EML1: variants seen among roughly 807,000 people sequenced by gnomAD.
The protein encoded by EML1 is EMAP like 1.
In EML1, 27 loss-of-function variants were observed where a neutral mutation model predicts 110.4. The observed-to-expected ratio is 0.24, with a 90% CI of 0.18 to 0.34. The LOEUF (loss-of-function observed/expected upper bound fraction) is 0.34, where lower values mean the gene tolerates loss of function less well. EML1 is among the 10% of genes least tolerant of loss of function. EML1 has a pLI of 1.00. For synonymous variants in EML1, 344 were observed against 385.8 expected (o/e 0.89, Z 1.27); for missense variants, 741 against 1,030.9 (o/e 0.72, Z 3.85).
intron 1 of EML1, among the ~76,000 whole-genome samples, chr14:99,830,489 C>T (rs1294608770): frequency 6.6e-6 from 1 of 151,772 alleles, no homozygotes; most frequent in Non-Finnish European, 1.5e-5. Context: ...TCATCGTTTC[C>T]TCTTCCCTCC....
At chr14:99,886,425 G>C (rs2059476085) in intron 4 of EML1, among the ~76,000 whole-genome samples, 1 of 150,282 alleles carries the variant, frequency 6.7e-6, no homozygotes, top group Admixed American at 6.6e-5. Context: ...AGGTTGCCGT[G>C]AGCCGAGATC....
At chr14:99,847,571 A>AT (rs1370101558) in intron 1 of EML1, among the ~76,000 whole-genome samples, 12 of 151,998 alleles carry the variant, frequency 7.9e-5, no homozygotes, top group Admixed American at 5.9e-4. Context: ...GCTTTTATTT[A>AT]TTTTTTTATT....
chr14:99,811,811 A>G (rs1245677956), intron 1 of EML1, among the ~76,000 whole-genome samples: 1 of 125,626 alleles, frequency 8.0e-6, no homozygotes, highest in African/African-American at 2.5e-5. Context: ...ACTATGTCTC[A>G]AAAAGAGAGA....
rs576881878 is a variant in EML1 at position 99,781,143 on chromosome 14, G to A, written c.-27+7130G>A. The stretch of plus-strand genomic sequence containing the variant: ...CCTCTGGACCCCTGTTCCACTGGCC[G>A]CCTCCCTTCTCCTTGACTCGTCCCC... On this transcript the variant is annotated intron_variant, in intron 1 of 22. Transcript: ENST00000327921. This position sits in a 1 kb window ranked among gnomAD's most constrained non-coding sequence, Gnocchi z 4.2. Among the ~76,000 whole-genome samples the A allele has an allele frequency of 1.9e-4, 29 of 152,026 alleles. 1 individual carries two copies. The highest frequency in any genetic ancestry group is 1.4e-3 in the Admixed American group (22 of 15,268).
chr14:99,915,961 C>T (rs193211507), intron 15 of EML1, among the ~76,000 whole-genome samples: 5 of 152,274 alleles, frequency 3.3e-5, no homozygotes, highest in East Asian at 1.9e-4. Context: ...CCAGCTGAGC[C>T]GTGAGGTGGA....
chr14:99,775,306 C>G (rs1445851032), intron 1 of EML1, among the ~76,000 whole-genome samples: 1 of 152,142 alleles, frequency 6.6e-6, no homozygotes, highest in Middle Eastern at 3.2e-3. Flanking sequence ...CTGTCACAGA[C>G]CTGGACAGGT....
chr14:99,835,254 G>A (rs1166393279), intron 1 of EML1, among the ~76,000 whole-genome samples: 1 of 151,648 alleles, frequency 6.6e-6, no homozygotes, highest in Non-Finnish European at 1.5e-5. Context: ...GAATTTATTG[G>A]CATAAAGTTT....
At chr14:99,762,928 C>A (rs1193359191) in intron 1 of EML1, among the ~76,000 whole-genome samples, 2 of 152,154 alleles carry the variant, frequency 1.3e-5, no homozygotes, top group Non-Finnish European at 2.9e-5. Context: ...GAATAACACC[C>A]CTACGTATGT....
At chr14:99,764,862 A>G (rs1595253424) in intron 1 of EML1, among the ~76,000 whole-genome samples, 1 of 152,198 alleles carries the variant, frequency 6.6e-6, no homozygotes, top group African/African-American at 2.4e-5. Context: ...TTCCTCAGTC[A>G]GTGTTGTTTT....
At chr14:99,843,976 G>T (rs1276940367) in intron 1 of EML1, among the ~76,000 whole-genome samples, 3 of 152,110 alleles carry the variant, frequency 2.0e-5, no homozygotes, top group African/African-American at 7.2e-5. Context: ...ATGACATTTT[G>T]AAGTGAGATT....
intron 1 of EML1, among the ~76,000 whole-genome samples, chr14:99,783,705 G>A (rs1428737090): frequency 2.0e-5 from 3 of 152,096 alleles, no homozygotes; most frequent in Admixed American, 6.5e-5. Context: ...GGATGGTCTC[G>A]ATCTCCTGAC....
chr14:99,747,154 C>T (rs756212424), intron 1 of EML1, among the ~76,000 whole-genome samples: 35 of 141,648 alleles, frequency 2.5e-4, no homozygotes, highest in Non-Finnish European at 4.8e-4. Context: ...CGCCACTGCA[C>T]TCCAGCCTTG....
intron 17 of EML1, among the ~76,000 whole-genome samples, chr14:99,921,256 TC>T (rs141681912): frequency 0.03 from 4,569 of 152,312 alleles, 224 homozygotes; most frequent in African/African-American, 0.1. Context: ...ATGGTCTTGT[TC>T]CTTTTTATGG....
chr14:99,910,134 G>A (rs899394819), intron 11 of EML1, 108 bp from the exon 12 acceptor site: 1 of 759,262 alleles, frequency 1.3e-6, no homozygotes, highest in South Asian at 2.1e-5. Context: ...TATCCAGCTT[G>A]GGACCACTGC....
chr14:99,828,963 A>G (rs545302890), intron 1 of EML1, among the ~76,000 whole-genome samples: 2 of 152,198 alleles, frequency 1.3e-5, no homozygotes, highest in South Asian at 4.2e-4. Context: ...CTGTCTCAGG[A>G]GTGACAAGCA....
rs961298145 is a variant in EML1 at position 99,864,718 on chromosome 14, A to T, written c.251-796A>T. Among the ~76,000 whole-genome samples the T allele has an allele frequency of 8.0e-5, 12 of 150,828 alleles. No individual in the cohort carries two copies. In the East Asian group the frequency reaches 2.0e-3, roughly 25 times the overall value. On this transcript the variant is annotated intron_variant, in intron 2 of 21. Transcript: ENST00000262233. ...TCCCAGCTACTCAGGAGGCTGAGGT[A>T]GGAGAATCGCTTGAACCCAGGAGAC...
At chr14:99,766,194 C>CT (rs34008528) in intron 1 of EML1, among the ~76,000 whole-genome samples, 51,546 of 129,778 alleles carry the variant, frequency 0.4, 12,251 homozygotes, top group South Asian at 0.55. Flanking sequence ...TAAACTTTTA[C>CT]TTTTTTTTTT....
chr14:99,862,025 A>G (rs527474509), intron 2 of EML1, among the ~76,000 whole-genome samples: 2 of 152,278 alleles, frequency 1.3e-5, no homozygotes, highest in East Asian at 3.9e-4. Context: ...CCAGGTTCCC[A>G]TGCAGGATAA....
intron 2 of EML1, among the ~76,000 whole-genome samples, chr14:99,857,760 C>A (rs2058929709): frequency 6.6e-6 from 1 of 152,250 alleles, no homozygotes; most frequent in South Asian, 2.1e-4. Context: ...CATTCCTTTT[C>A]ATTGTCAAGT....
Sources: allele counts gnomAD v4.1 joint callset (sites outside exome capture counted in the v4.1 genomes callset), GRCh38; gene constraint gnomAD v4.1.1; non-coding constraint Gnocchi (gnomAD v3.1); transcripts MANE v1.5; gene names NCBI Gene and HGNC (gene_info 2026-07-23, HGNC 2026-07-21).